WDR35: variants seen among roughly 807,000 people sequenced by gnomAD.
WDR35 encodes WD repeat domain 35.
In WDR35, 118 loss-of-function variants were observed where a neutral mutation model predicts 158.3. The observed-to-expected ratio is 0.75, with a 90% CI of 0.64 to 0.87. The LOEUF (loss-of-function observed/expected upper bound fraction) is 0.87, where lower values mean the gene tolerates loss of function less well. WDR35 is among the 40% of genes least tolerant of loss of function. The pLI, the probability that WDR35 is intolerant of heterozygous loss-of-function variation, is 0.00. For synonymous variants in WDR35, 448 were observed against 476.1 expected (o/e 0.94, Z 0.77); for missense variants, 1,263 against 1,405.8 (o/e 0.90, Z 1.62).
At position 19,935,531 on chromosome 2, in the gene WDR35, C is replaced by T; in HGVS notation, c.2487G>A (p.Glu829=). Residue 829 remains glutamate (E), a synonymous_variant, in exon 21 of 27, where the codon GAG becomes GAA. Coordinates refer to ENST00000281405, the MANE Select transcript of WDR35 (RefSeq NM_020779.4). The stretch of plus-strand genomic sequence containing the variant: ...CAAGGTTCTCTAACCCTTCATAATC[C>T]TCTAACATATAGTAACATTCAGCTA... ...ERLAECYYML[E]DYEGLENLAI... is the part of the protein sequence containing the mutation. 6.2e-7 allele frequency: 1 copy of T among 1,613,216 alleles called. No individual in the cohort carries two copies.
chr2:19,941,664 C>T (rs1670880764), intron 17 of WDR35, 95 bp downstream of exon 17: 1 of 911,068 alleles, frequency 1.1e-6, no homozygotes, highest in South Asian at 1.5e-5. Context: ...TATCTGACTC[C>T]TGGGTCCACA....
intron 24 of WDR35, 129 bp from the exon 25 acceptor site, chr2:19,930,681 T>C (rs1436196461): frequency 1.6e-5 from 15 of 925,648 alleles, no homozygotes; most frequent in Non-Finnish European, 1.7e-5. Flanking sequence ...GATTACAGAC[T>C]TTTTTTTTTA....
At chr2:19,933,915 G>A (rs751895231) in intron 21 of WDR35, among the ~76,000 whole-genome samples, 1 of 152,088 alleles carries the variant, frequency 6.6e-6, no homozygotes, top group Non-Finnish European at 1.5e-5. Flanking sequence ...CATTCACAGA[G>A]CCCTCAAATA....
At chr2:19,921,600 C>T (rs1005050688) in intron 25 of WDR35, among the ~76,000 whole-genome samples, 1 of 152,052 alleles carries the variant, frequency 6.6e-6, no homozygotes, top group Non-Finnish European at 1.5e-5. Flanking sequence ...AAGACTTAAA[C>T]GTAAGACCTA....
intron 10 of WDR35, among the ~76,000 whole-genome samples, chr2:19,965,220 G>A (rs374915933): frequency 1.3e-5 from 2 of 152,310 alleles, no homozygotes; most frequent in African/African-American, 4.8e-5. Context: ...ATCGCACCCA[G>A]CCCCAAAATA....
rs1669926734 is a variant in WDR35, at chr2:19,914,221, G to A, written c.3178C>T (p.Leu1060=). ...CTGCTGGCGCATGCGCAGAGTGCTA[G>A]CAGAGAGTAGATCTCCACAGGAGGG... The part of the protein sequence containing the change: ...IIPPVEIYSL[L]ALCACASRAF... The change falls in exon 26 of 27, where the codon CTA becomes TTA. Residue 1060 remains leucine (L), a synonymous_variant. Transcript: ENST00000281405. 6.2e-7 allele frequency: 1 copy of A among 1,614,030 alleles called. No individual in the cohort carries two copies. Among genetic ancestry groups the A allele is most frequent in the Non-Finnish European group, 8.5e-7 (1 of 1,180,022 alleles).
At chr2:19,963,108 G>A (rs1007067492) in intron 10 of WDR35, among the ~76,000 whole-genome samples, 16 of 152,086 alleles carry the variant, frequency 1.1e-4, no homozygotes, top group Non-Finnish European at 2.1e-4. Context: ...CAAGTCTTTA[G>A]CTTTCTTTCA....
Position 19,948,283 on chromosome 2 carries a change from G to A in WDR35, c.1471-66C>T, listed in dbSNP as rs111873651. ...TATTGAATAACTAACCTGGTACAAC[G>A]TAGTATGCAATTCACTAAGCAGTCA... On this transcript the variant is annotated intron_variant, in intron 13 of 26. Coordinates refer to ENST00000281405, the MANE Select transcript of WDR35 (RefSeq NM_020779.4). 1,286 of 1,403,260 alleles carry A rather than the reference G, an allele frequency of 9.2e-4. 12 individuals carry two copies. The African/African-American group carries it at 0.015, about 16-fold the overall frequency. 86.9% of individuals were successfully genotyped at this position (1,403,260 alleles called of 1,614,324 possible).
At chr2:19,958,483 T>C (rs1671521668) in intron 11 of WDR35, among the ~76,000 whole-genome samples, 1 of 152,184 alleles carries the variant, frequency 6.6e-6, no homozygotes, top group Non-Finnish European at 1.5e-5. Context: ...TGTTCAGAAA[T>C]CCCACAGGAA....
chr2:19,983,154 AT>A (rs1672442267), intron 2 of WDR35, among the ~76,000 whole-genome samples: 1 of 152,244 alleles, frequency 6.6e-6, no homozygotes, highest in Admixed American at 6.5e-5. Context: ...CTTAATTTAG[AT>A]TGATGGGGAA....
Position 19,975,628 on chromosome 2 carries a change from G to A in WDR35, c.472C>T (p.Gln158Ter). 6.2e-7 allele frequency: 1 copy of A among 1,614,052 alleles called. No homozygotes were observed. The highest frequency in any genetic ancestry group is 8.5e-7 in the Non-Finnish European group (1 of 1,179,946). The change falls in exon 6 of 27, where the codon CAG becomes TAG. Residue 158 changes from glutamine to a stop codon, truncating the protein, a stop_gained. Coordinates refer to ENST00000281405, the MANE Select transcript of WDR35 (RefSeq NM_020779.4). LOFTEE classifies it high-confidence loss of function. ...GCAGACCATGTTACATGGGATAGCT[G>A]TATACCCTTCAGGTCTTTTCCCCAA... Reference protein sequence around the residue: ...RIWGKDLKGIQLSHVTWSADS... With the variant: ...RIWGKDLKGI
chr2:19,982,674 A>AT, intron 2 of WDR35, 140 bp from the exon 3 acceptor site: 2 of 866,252 alleles, frequency 2.3e-6, no homozygotes, highest in Non-Finnish European at 3.6e-6. Context: ...CTCATGGTAT[A>AT]AACATGAACA....
intron 10 of WDR35, 36 bp from the exon 11 acceptor site, chr2:19,960,650 T>C: frequency 1.4e-6 from 2 of 1,462,224 alleles, no homozygotes; most frequent in Middle Eastern, 1.7e-4. Context: ...TCAGAACTCC[T>C]GCTTATGAAT....
rs1669859940 is a variant in WDR35 at position 19,912,182 on chromosome 2, T to G, written c.*1376A>C. ...GTGTTAATCTATCATTGCTTTCTCC[T>G]TGTTCCTCACTGTGTATTGCAAATT... On this transcript the variant is annotated 3_prime_UTR_variant, in exon 27 of 27. Transcript: ENST00000281405. The G allele has an allele frequency of 6.6e-6, 1 of 152,268 alleles. No homozygotes were observed. The highest frequency in any genetic ancestry group is 2.1e-4 in the South Asian group (1 of 4,836). 9.4% of individuals were successfully genotyped at this position (152,268 alleles called of 1,614,324 possible). A position where few individuals can be genotyped will look rare whatever the true frequency, so the allele number is the denominator to read the frequency against.
intron 14 of WDR35, 133 bp downstream of exon 14, chr2:19,948,030 TG>T: frequency 1.5e-6 from 1 of 666,368 alleles, no homozygotes; most frequent in Non-Finnish European, 2.5e-6. Flanking sequence ...CTCCATTTCC[TG>T]GCCTCAAGCA....
chr2:19,930,308 GC>G (rs1277590882), intron 25 of WDR35, 87 bp downstream of exon 25: 1 of 1,569,804 alleles, frequency 6.4e-7, no homozygotes, highest in East Asian at 2.2e-5. Context: ...GTTATTGAAG[GC>G]CACATAAAGG....
intron 3 of WDR35, 120 bp downstream of exon 3, chr2:19,982,343 G>A: frequency 1.0e-6 from 1 of 977,534 alleles, no homozygotes; most frequent in Non-Finnish European, 1.6e-6. Flanking sequence ...GTAACTCAAA[G>A]AGCATCTGTA....
chr2:19,913,804 T>G, intron 26 of WDR35, 96 bp from the exon 27 acceptor site: 1 of 1,531,948 alleles, frequency 6.5e-7, no homozygotes, highest in Non-Finnish European at 8.9e-7. Flanking sequence ...GAATAAAACT[T>G]CTGAGATGAA....
intron 11 of WDR35, among the ~76,000 whole-genome samples, chr2:19,956,909 G>A (rs189216231): frequency 1.7e-3 from 263 of 152,232 alleles, no homozygotes; most frequent in Non-Finnish European, 3.0e-3. Context: ...GTGAGCCACC[G>A]CGCCCGGCCA....
Sources: gnomAD v4.1 joint callset for allele counts (sites outside exome capture counted in the v4.1 genomes callset) on GRCh38, gnomAD v4.1.1 for gene constraint, MANE v1.5 for transcripts, NCBI Gene and HGNC (gene_info 2026-07-23, HGNC 2026-07-21) for gene names.